COPZ1: variants seen among roughly 807,000 people sequenced by gnomAD.
The protein encoded by COPZ1 is coat protein complex I subunit zeta 1.
In COPZ1, 4 loss-of-function variants were observed where a neutral mutation model predicts 31.7. That is an observed-to-expected ratio of 0.13 (90% CI 0.06 to 0.29). The LOEUF (loss-of-function observed/expected upper bound fraction) is 0.29, where lower values mean the gene tolerates loss of function less well. Ranked by LOEUF, COPZ1 falls within the 10% of genes least tolerant of loss-of-function variation. The pLI is 1.00. For missense variants in COPZ1, 156 were observed against 211.5 expected, an observed-to-expected ratio of 0.74 and a Z score of 1.63; for synonymous variants, 74 against 79.0, an observed-to-expected ratio of 0.94 and a Z score of 0.33.
intron 5 of COPZ1, chr12:54,346,766 A>C (rs1954071897): frequency 1.6e-6 from 1 of 642,388 alleles, no homozygotes; most frequent in Admixed American, 2.2e-5. Flanking sequence ...TGAGGTAGGA[A>C]GATTGCTTGA....
chr12:54,326,219 A>G (rs1254539095), intron 1 of COPZ1, among the ~76,000 whole-genome samples: 1 of 149,522 alleles, frequency 6.7e-6, no homozygotes, highest in Admixed American at 6.8e-5. Flanking sequence ...GGCTCACTGC[A>G]AGCTCCGCCT....
intron 8 of COPZ1, 74 bp from the exon 9 acceptor site, chr12:54,350,402 A>G: frequency 1.7e-6 from 2 of 1,146,464 alleles, no homozygotes; most frequent in Non-Finnish European, 1.3e-6. Flanking sequence ...AAGTGAGGGG[A>G]AGGAGATCCC....
chr12:54,339,257 TAAAAAAAAAA>T (rs72213270), intron 1 of COPZ1, among the ~76,000 whole-genome samples: 3 of 120,216 alleles, frequency 2.5e-5, no homozygotes, highest in African/African-American at 6.2e-5. Flanking sequence ...CCTTTTCTCT[TAAAAAAAAAA>T]AAAAAAAAAA....
At chr12:54,328,397 C>T (rs764767058) in intron 1 of COPZ1, among the ~76,000 whole-genome samples, 2 of 151,866 alleles carry the variant, frequency 1.3e-5, no homozygotes, top group Non-Finnish European at 2.9e-5. Context: ...TGGTGAAACC[C>T]GGTCTCTGCT....
chr12:54,351,353 A>G lies in COPZ1; in HGVS notation c.*830A>G, dbSNP rs74089962. On this transcript the variant is annotated 3_prime_UTR_variant, in exon 9 of 9. Transcript: ENST00000262061. ...TCTAGTCTTGGGAAGAAAAGTTTCTACTCAGAACTGGGGAAGGAGTGGAAC... is the reference window on the plus strand; with the variant it reads ...TCTAGTCTTGGGAAGAAAAGTTTCTGCTCAGAACTGGGGAAGGAGTGGAAC... 6.6e-6 allele frequency: 1 copy of G among 152,064 alleles called. No individual in the cohort carries two copies. Among genetic ancestry groups the G allele is most frequent in the East Asian group, 1.9e-4 (1 of 5,176 alleles). The allele number at this position is 152,064 out of a possible 1,614,324, so 9.4% of individuals were successfully genotyped here.
At chr12:54,334,123 G>A (rs2137091195) in intron 1 of COPZ1, among the ~76,000 whole-genome samples, 1 of 152,074 alleles carries the variant, frequency 6.6e-6, no homozygotes, top group Admixed American at 6.6e-5. Flanking sequence ...GCTGGGCGTG[G>A]TGGCTCATGC....
chr12:54,344,737 C>T, intron 4 of COPZ1: 1 of 150,206 alleles, frequency 6.7e-6, no homozygotes, highest in Non-Finnish European at 1.5e-5. Flanking sequence ...GCCTGGGTGA[C>T]AGAGCCAGAC....
At chr12:54,343,082 C>T (rs1225029186) in intron 3 of COPZ1, 143 bp from the exon 4 acceptor site, 2 of 702,820 alleles carry the variant, frequency 2.8e-6, no homozygotes, top group Non-Finnish European at 5.1e-6. Context: ...GTCTTGAACT[C>T]CTGACCTTAG....
intron 2 of COPZ1, among the ~76,000 whole-genome samples, 157 bp from the exon 3 acceptor site, chr12:54,342,049 C>T (rs569016039): frequency 6.6e-6 from 1 of 152,198 alleles, no homozygotes; most frequent in African/African-American, 2.4e-5. Flanking sequence ...ACTGCCCATT[C>T]TCTGCCTCTA....
Position 54,345,534 on chromosome 12 carries a change from T to G in COPZ1, c.317+19T>G. ...TGCTGAGGTGAGCAGGACATTCTTTTTTTTCCCCTCAAGTTATGATGGAAA... is the reference window on the plus strand; with the variant it reads ...TGCTGAGGTGAGCAGGACATTCTTTGTTTTCCCCTCAAGTTATGATGGAAA... On this transcript the variant is annotated intron_variant, in intron 5 of 8. Coordinates refer to ENST00000262061, the MANE Select transcript of COPZ1 (RefSeq NM_016057.3). 6.3e-7 allele frequency: 1 copy of G among 1,598,082 alleles called. No individual in the cohort carries two copies.
intron 1 of COPZ1, chr12:54,337,268 T>G: frequency 1.9e-6 from 1 of 534,752 alleles, no homozygotes; most frequent in South Asian, 1.4e-5. Flanking sequence ...AGGCTGTGGC[T>G]CTCTGAAAGT....
intron 6 of COPZ1, 68 bp from the exon 7 acceptor site, chr12:54,347,932 C>A: frequency 1.2e-6 from 2 of 1,604,826 alleles, no homozygotes; most frequent in Non-Finnish European, 1.7e-6. Flanking sequence ...GGCCAGAGGT[C>A]CTGTTCCCCG....
intron 8 of COPZ1, chr12:54,350,131 C>T: frequency 4.7e-6 from 3 of 640,314 alleles, no homozygotes; most frequent in Non-Finnish European, 8.4e-6. Context: ...GTTCCGTTTT[C>T]TACCCACTTG....
intron 6 of COPZ1, 35 bp downstream of exon 6, chr12:54,347,879 G>C: frequency 6.2e-7 from 1 of 1,611,186 alleles, no homozygotes; most frequent in Admixed American, 1.7e-5. Flanking sequence ...CTTGGGTGAG[G>C]TGGCGGGATA....
intron 5 of COPZ1, 91 bp from the exon 6 acceptor site, chr12:54,347,676 G>T: frequency 9.2e-7 from 1 of 1,082,048 alleles, no homozygotes; most frequent in Non-Finnish European, 1.4e-6. Context: ...GATGTTTATT[G>T]GTCTAGTTTA....
chr12:54,342,942 C>T (rs145283457), intron 3 of COPZ1, among the ~76,000 whole-genome samples: 1,715 of 150,994 alleles, frequency 0.011, 37 homozygotes, highest in African/African-American at 0.04. Context: ...CTGCAACCTC[C>T]GCCTCCCAGG....
intron 5 of COPZ1, among the ~76,000 whole-genome samples, chr12:54,347,385 CCT>C (rs1022842501): frequency 2.0e-5 from 3 of 152,124 alleles, no homozygotes; most frequent in Non-Finnish European, 4.4e-5. Context: ...GCATTGAACC[CCT>C]CTCACCTCCG....
chr12:54,330,614 G>A (rs1432833252), intron 1 of COPZ1, among the ~76,000 whole-genome samples: 4 of 152,202 alleles, frequency 2.6e-5, no homozygotes, highest in African/African-American at 7.2e-5. Flanking sequence ...GAGAAGCCAG[G>A]TCTGCCTTGG....
intron 1 of COPZ1, among the ~76,000 whole-genome samples, chr12:54,326,183 A>G (rs562046052): frequency 1.0e-4 from 15 of 143,960 alleles, no homozygotes; most frequent in African/African-American, 1.8e-4. Context: ...TCTGTCGCCC[A>G]GGCTGGAGTG....
Sources: allele counts gnomAD v4.1 joint callset (sites outside exome capture counted in the v4.1 genomes callset), GRCh38; gene constraint gnomAD v4.1.1; transcripts MANE v1.5; gene names NCBI Gene and HGNC (gene_info 2026-07-23, HGNC 2026-07-21).